Variants in C8orf34 observed in about 807,000 individuals in gnomAD.
C8orf34 encodes the protein uncharacterized protein C8orf34.
A neutral mutation model predicts 68.3 loss-of-function variants in C8orf34; 65 were observed. The observed-to-expected ratio is 0.95, with a 90% CI of 0.78 to 1.17. C8orf34 has a LOEUF of 1.17. Ranked by LOEUF, C8orf34 falls within the 50% of genes most tolerant of loss-of-function variation. C8orf34 has a pLI of 0.00. For synonymous variants in C8orf34, 244 were observed against 241.2 expected, an observed-to-expected ratio of 1.01 and a Z score of -0.11; for missense variants, 664 against 655.4, an observed-to-expected ratio of 1.01 and a Z score of -0.14.
chr8:68,731,902 A>T (rs1028759795), intron 10 of C8orf34, among the ~76,000 whole-genome samples: 7 of 152,220 alleles, frequency 4.6e-5, no homozygotes, highest in African/African-American at 1.7e-4. Flanking sequence ...GATCATTGGG[A>T]TTGGTGACAG....
At chr8:68,439,408 A>G in intron 1 of C8orf34, 91 bp from the exon 2 acceptor site, 3 of 1,222,258 alleles carry the variant, frequency 2.5e-6, no homozygotes, top group Non-Finnish European at 3.4e-6. Context: ...CAGTTAGACC[A>G]GTACCTGACA....
chr8:68,614,592 T>C (rs1185799935), intron 7 of C8orf34, among the ~76,000 whole-genome samples: 2 of 152,150 alleles, frequency 1.3e-5, no homozygotes, highest in Non-Finnish European at 2.9e-5. Context: ...AAAGATCAGA[T>C]AGTTGTAGAT....
At chr8:68,499,904 G>T (rs1813692511) in intron 5 of C8orf34, among the ~76,000 whole-genome samples, 1 of 152,282 alleles carries the variant, frequency 6.6e-6, no homozygotes, top group East Asian at 1.9e-4. Context: ...ATTGGGGGCG[G>T]ATCCCTCATG....
Position 68,639,065 on chromosome 8 carries a change from T to C in C8orf34, c.1106-1311T>C, listed in dbSNP as rs926524509. Among the ~76,000 whole-genome samples, 45 of 152,020 alleles carry C rather than the reference T, an allele frequency of 3.0e-4. 1 individual carries two copies. Among genetic ancestry groups the C allele is most frequent in the African/African-American group, 1.1e-3 (44 of 41,398 alleles). On this transcript the variant is annotated intron_variant, in intron 7 of 13. Transcript: ENST00000518698. ...ACTCTCATGAGTGTTTAATGCTGGC[T>C]GAAAAGTGTGTGTTCAGAGGGAGTA...
At chr8:68,623,178 T>C (rs1235388770) in intron 7 of C8orf34, among the ~76,000 whole-genome samples, 1 of 152,228 alleles carries the variant, frequency 6.6e-6, no homozygotes, top group Non-Finnish European at 1.5e-5. Context: ...ACACAGTTGT[T>C]TGTCCCACAC....
intron 7 of C8orf34, among the ~76,000 whole-genome samples, chr8:68,539,170 T>C (rs898728638): frequency 6.6e-6 from 1 of 152,326 alleles, no homozygotes; most frequent in South Asian, 2.1e-4. Context: ...TATTAAGGTA[T>C]TGTTGCTTTT....
Position 68,335,474 on chromosome 8 carries a change from T to C in C8orf34, c.327+4135T>C, listed in dbSNP as rs150486124. Among the ~76,000 whole-genome samples, 238 of 152,322 alleles carry C rather than the reference T, an allele frequency of 1.6e-3. 1 individual carries two copies. The highest frequency in any genetic ancestry group is 5.6e-3 in the African/African-American group (232 of 41,576). On this transcript the variant is annotated intron_variant, in intron 1 of 13. Transcript: ENST00000518698. ...TTTCCTATATCAAAATTTGCATTAA[T>C]CTTTATAATCTCAGAGCATTTAGAG...
intron 5 of C8orf34, among the ~76,000 whole-genome samples, chr8:68,489,897 G>T (rs1417259085): frequency 6.6e-6 from 1 of 152,110 alleles, no homozygotes; most frequent in African/African-American, 2.4e-5. Context: ...TATAATTTAT[G>T]AATATATTCT....
chr8:68,677,971 T>A (rs1820244891), intron 8 of C8orf34, among the ~76,000 whole-genome samples: 1 of 152,026 alleles, frequency 6.6e-6, no homozygotes, highest in Admixed American at 6.6e-5. Context: ...TGCCTTAAAC[T>A]GGAAAACCTA....
intron 7 of C8orf34, among the ~76,000 whole-genome samples, chr8:68,621,714 G>T (rs186428594): frequency 6.6e-6 from 1 of 152,140 alleles, no homozygotes; most frequent in Non-Finnish European, 1.5e-5. Flanking sequence ...CTATATGTAA[G>T]TCTCACCTGA....
At chr8:68,403,379 G>A (rs549009347) in intron 1 of C8orf34, among the ~76,000 whole-genome samples, 13 of 151,940 alleles carry the variant, frequency 8.6e-5, no homozygotes, top group Non-Finnish European at 1.6e-4. Context: ...TTTTGTCTCT[G>A]TACATTCTTT....
chr8:68,606,544 T>C (rs919720510), intron 7 of C8orf34, among the ~76,000 whole-genome samples: 1 of 152,170 alleles, frequency 6.6e-6, no homozygotes, highest in Non-Finnish European at 1.5e-5. Context: ...TGATGTCACA[T>C]ACTGTATTAC....
chr8:68,406,738 A>G (rs1809213985), intron 1 of C8orf34, among the ~76,000 whole-genome samples: 1 of 151,876 alleles, frequency 6.6e-6, no homozygotes, highest in Non-Finnish European at 1.5e-5. Context: ...CAAGTGACCC[A>G]CTCACCTCGG....
chr8:68,731,834 G>A (rs557586077), intron 10 of C8orf34, among the ~76,000 whole-genome samples: 6 of 152,282 alleles, frequency 3.9e-5, no homozygotes, highest in South Asian at 4.1e-4. Context: ...GTTGCCATAC[G>A]TGATTTAATG....
At chr8:68,551,777 C>G (rs1816080512) in intron 7 of C8orf34, among the ~76,000 whole-genome samples, 2 of 152,058 alleles carry the variant, frequency 1.3e-5, no homozygotes, top group South Asian at 4.1e-4. Context: ...ACTCTCCACT[C>G]CCCTCTGCCC....
At chr8:68,460,651 A>G (rs1811771415) in intron 3 of C8orf34, among the ~76,000 whole-genome samples, 1 of 152,210 alleles carries the variant, frequency 6.6e-6, no homozygotes, top group Non-Finnish European at 1.5e-5. Flanking sequence ...CCGCTGTTCT[A>G]CAGCCACGAC....
intron 11 of C8orf34, among the ~76,000 whole-genome samples, chr8:68,777,976 T>C (rs1419723484): frequency 1.3e-5 from 2 of 152,192 alleles, no homozygotes; most frequent in African/African-American, 4.8e-5. Flanking sequence ...AGTACTTTCA[T>C]TTATTATTGA....
At chr8:68,561,902 G>A (rs919081129) in intron 7 of C8orf34, among the ~76,000 whole-genome samples, 1 of 152,154 alleles carries the variant, frequency 6.6e-6, no homozygotes, top group Non-Finnish European at 1.5e-5. Context: ...TGGAAGGTGG[G>A]TACATGGAGC....
At chr8:68,440,847 C>T (rs1810871947) in intron 2 of C8orf34, among the ~76,000 whole-genome samples, 1 of 151,798 alleles carries the variant, frequency 6.6e-6, no homozygotes, top group Non-Finnish European at 1.5e-5. Flanking sequence ...CTCTGTCACC[C>T]AGGCTGGAGT....
Sources: allele counts gnomAD v4.1 joint callset (sites outside exome capture counted in the v4.1 genomes callset), GRCh38; gene constraint gnomAD v4.1.1; transcripts MANE v1.5; gene names NCBI Gene and HGNC (gene_info 2026-07-23, HGNC 2026-07-21).